The following RAD51B variants were observed in gnomAD, a reference collection of about 807,000 sequenced individuals.
The protein encoded by RAD51B is DNA repair protein RAD51 homolog 2.
In RAD51B, 38 loss-of-function variants were observed where a neutral mutation model predicts 42.2. That is an observed-to-expected ratio of 0.90 (90% CI 0.70 to 1.18). RAD51B has a LOEUF of 1.18. RAD51B is among the 50% of genes most tolerant of loss of function. The probability of loss-of-function intolerance (pLI) is 0.00; values close to 1 mark genes in which losing one functional copy is unlikely to be tolerated. For synonymous variants in RAD51B, 154 were observed against 145.2 expected (o/e 1.06, Z -0.43); for missense variants, 373 against 400.7 (o/e 0.93, Z 0.59).
intron 7 of RAD51B, among the ~76,000 whole-genome samples, chr14:68,005,220 A>ATTTTTGTATTTT: frequency 6.6e-6 from 1 of 151,550 alleles, no homozygotes; most frequent in African/African-American, 2.4e-5. Context: ...CGCCCAGCTA[A>ATTTTTGTATTTT]TTTTTGTATT....
intron 7 of RAD51B, among the ~76,000 whole-genome samples, chr14:68,224,515 C>T (rs1049573437): frequency 3.9e-5 from 6 of 152,050 alleles, no homozygotes; most frequent in Admixed American, 6.6e-5. Flanking sequence ...AAAAGCCTTT[C>T]GGGTTCATAT....
chr14:68,534,634 AAAG>A (rs978441505), intron 10 of RAD51B, among the ~76,000 whole-genome samples: 11 of 152,336 alleles, frequency 7.2e-5, no homozygotes, highest in Non-Finnish European at 5.9e-5. Flanking sequence ...CAGAATGTTC[AAAG>A]AAGAAGATAA....
intron 9 of RAD51B, among the ~76,000 whole-genome samples, chr14:68,436,468 T>C (rs1476725842): frequency 1.3e-5 from 2 of 152,186 alleles, no homozygotes; most frequent in Admixed American, 6.5e-5. Flanking sequence ...CTTCTGGCTT[T>C]ATTATTTCTG....
At chr14:68,674,012 T>G (rs926389956) in intron 11 of RAD51B, among the ~76,000 whole-genome samples, 10 of 151,574 alleles carry the variant, frequency 6.6e-5, no homozygotes, top group African/African-American at 2.2e-4. Context: ...CATCCACACA[T>G]GTACACATAC....
chr14:68,568,062 G>A (rs994650838), intron 10 of RAD51B, among the ~76,000 whole-genome samples: 4 of 152,166 alleles, frequency 2.6e-5, no homozygotes, highest in Non-Finnish European at 5.9e-5. Flanking sequence ...TTGTGATCAT[G>A]GTTCAGTTCA....
chr14:68,594,362 A>G (rs1890892196), intron 10 of RAD51B: 1 of 912,032 alleles, frequency 1.1e-6, no homozygotes, highest in Non-Finnish European at 1.5e-6. Flanking sequence ...GTACATTCCT[A>G]TGCCATACCC....
At chr14:68,044,979 C>A (rs2076275633) in intron 7 of RAD51B, among the ~76,000 whole-genome samples, 1 of 152,080 alleles carries the variant, frequency 6.6e-6, no homozygotes, top group Non-Finnish European at 1.5e-5. Context: ...GTGGCTCACG[C>A]CTGTAATCCC....
At chr14:68,118,415 G>T (rs1257902699) in intron 7 of RAD51B, among the ~76,000 whole-genome samples, 1 of 152,148 alleles carries the variant, frequency 6.6e-6, no homozygotes, top group Non-Finnish European at 1.5e-5. Flanking sequence ...CAGTTCTAAT[G>T]AGGACATTTA....
At chr14:68,140,163 G>A (rs1018518055) in intron 7 of RAD51B, among the ~76,000 whole-genome samples, 1 of 152,158 alleles carries the variant, frequency 6.6e-6, no homozygotes, top group Non-Finnish European at 1.5e-5. Flanking sequence ...TTTATAAAAA[G>A]TTAAGGATGA....
At chr14:68,265,284 A>G (rs1398006929) in intron 7 of RAD51B, among the ~76,000 whole-genome samples, 1 of 152,218 alleles carries the variant, frequency 6.6e-6, no homozygotes, top group African/African-American at 2.4e-5. Flanking sequence ...CTTAAGATTT[A>G]TTACTCATTT....
At chr14:68,019,378 C>T (rs959253419) in intron 7 of RAD51B, among the ~76,000 whole-genome samples, 1 of 152,054 alleles carries the variant, frequency 6.6e-6, no homozygotes, top group South Asian at 2.1e-4. Flanking sequence ...TGTTATTTCC[C>T]AATTTCTGTA....
chr14:67,948,583 G>A (rs986883864), intron 7 of RAD51B, among the ~76,000 whole-genome samples: 1 of 151,966 alleles, frequency 6.6e-6, no homozygotes, highest in Non-Finnish European at 1.5e-5. Context: ...TCATATAAAA[G>A]TTATGTTTAT....
chr14:68,086,266 C>G (rs751799251), intron 7 of RAD51B, among the ~76,000 whole-genome samples: 2 of 152,112 alleles, frequency 1.3e-5, no homozygotes, highest in Non-Finnish European at 2.9e-5. Flanking sequence ...GTTGGCTTGC[C>G]GGTGTGCTGG....
chr14:68,280,011 C>T (rs1210468465), intron 7 of RAD51B, among the ~76,000 whole-genome samples: 1 of 152,298 alleles, frequency 6.6e-6, no homozygotes, highest in Admixed American at 6.5e-5. Flanking sequence ...TCTTATGTGA[C>T]AACCAATCTT....
At chr14:68,671,431 A>C (rs940213370) in intron 11 of RAD51B, among the ~76,000 whole-genome samples, 3 of 152,060 alleles carry the variant, frequency 2.0e-5, no homozygotes, top group Non-Finnish European at 4.4e-5. Context: ...TTGGCCAGAC[A>C]TACAAACCCA....
At chr14:68,268,778 CTTTG>C (rs1217254162) in intron 7 of RAD51B, among the ~76,000 whole-genome samples, 4 of 152,280 alleles carry the variant, frequency 2.6e-5, no homozygotes, top group South Asian at 4.1e-4. Flanking sequence ...ACTTTTTCAT[CTTTG>C]TTTGTTCCTA....
At chr14:68,007,916 A>C (rs1177358177) in intron 7 of RAD51B, among the ~76,000 whole-genome samples, 1 of 152,010 alleles carries the variant, frequency 6.6e-6, no homozygotes, top group African/African-American at 2.4e-5. Flanking sequence ...AATAAAGAAA[A>C]AGCAAATTAC....
At chr14:67,875,286 T>C (rs138557165) in intron 5 of RAD51B, among the ~76,000 whole-genome samples, 1 of 152,294 alleles carries the variant, frequency 6.6e-6, no homozygotes, top group East Asian at 1.9e-4. Flanking sequence ...GGAGAGGTAC[T>C]TGTATTGGTA....
chr14:68,411,879 A>G (rs758209864), intron 9 of RAD51B, among the ~76,000 whole-genome samples: 11 of 152,246 alleles, frequency 7.2e-5, no homozygotes, highest in Admixed American at 5.9e-4. Context: ...GAATTAAATA[A>G]TGATGATGCT....
Sources: gnomAD v4.1 joint callset for allele counts (sites outside exome capture counted in the v4.1 genomes callset) on GRCh38, gnomAD v4.1.1 for gene constraint, MANE v1.5 for transcripts, NCBI Gene and HGNC (gene_info 2026-07-23, HGNC 2026-07-21) for gene names.